Variants in SYT10 observed in about 807,000 individuals in gnomAD.
The protein encoded by SYT10 is synaptotagmin-10.
A neutral mutation model predicts 51.1 loss-of-function variants in SYT10; 31 were observed. The ratio of observed to expected loss-of-function variants is 0.61; its 90% CI spans 0.46 to 0.82. SYT10 has a LOEUF of 0.82. Among genes scored for constraint, SYT10 ranks in the 40% least tolerant of loss-of-function variants. SYT10 has a pLI of 0.00. For missense variants in SYT10, 603 were observed against 634.0 expected, an observed-to-expected ratio of 0.95 and a Z score of 0.53; for synonymous variants, 233 against 225.9, an observed-to-expected ratio of 1.03 and a Z score of -0.28.
chr12:33,399,585 T>A (rs1451172078), intron 3 of SYT10, among the ~76,000 whole-genome samples: 7 of 152,144 alleles, frequency 4.6e-5, no homozygotes, highest in African/African-American at 1.7e-4. Flanking sequence ...TGATCTAACC[T>A]GAAAATAACA....
intron 1 of SYT10, 103 bp from the exon 2 acceptor site, chr12:33,426,598 G>T: frequency 9.3e-7 from 1 of 1,079,132 alleles, no homozygotes; most frequent in Middle Eastern, 2.7e-4. Context: ...TCCTGATTCA[G>T]AATTTCAAAA....
At position 33,380,546 on chromosome 12, in the gene SYT10, G is replaced by T. The variant is rs541386411; in HGVS notation, c.1371-585C>A. Among the ~76,000 whole-genome samples the T allele has an allele frequency of 9.9e-5, 15 of 152,242 alleles. 1 individual carries two copies. The highest frequency in any genetic ancestry group is 3.4e-4 in the African/African-American group (14 of 41,544). ...CATTTGTATATTCTATTCAGGTCCT[G>T]CTTTCATAGCAATGAATCAAGATGA... is the stretch of plus-strand genomic sequence containing the variant. On this transcript the variant is annotated intron_variant, in intron 5 of 6. Transcript: ENST00000228567.
chr12:33,396,675 T>C (rs765605550), intron 3 of SYT10, among the ~76,000 whole-genome samples: 58 of 152,054 alleles, frequency 3.8e-4, no homozygotes, highest in Non-Finnish European at 5.1e-4. Context: ...TGCAATGAAA[T>C]GTGGAATTCC....
intron 1 of SYT10, among the ~76,000 whole-genome samples, chr12:33,428,105 A>G (rs1346688054): frequency 6.6e-6 from 1 of 152,232 alleles, no homozygotes; most frequent in Non-Finnish European, 1.5e-5. Flanking sequence ...ATGGGAAAGA[A>G]AAGATTCCAG....
intron 3 of SYT10, among the ~76,000 whole-genome samples, chr12:33,395,572 AT>A (rs1866249124): frequency 6.6e-6 from 1 of 152,190 alleles, no homozygotes; most frequent in African/African-American, 2.4e-5. Flanking sequence ...TAACCCAAAT[AT>A]GGATTTTTTG....
At chr12:33,423,457 G>A (rs946333152) in intron 2 of SYT10, among the ~76,000 whole-genome samples, 1 of 152,020 alleles carries the variant, frequency 6.6e-6, no homozygotes, top group African/African-American at 2.4e-5. Context: ...CTGTGTTCAT[G>A]TGGACTACCT....
chr12:33,435,077 G>T (rs545051620), intron 1 of SYT10, among the ~76,000 whole-genome samples: 1 of 152,254 alleles, frequency 6.6e-6, no homozygotes, highest in East Asian at 1.9e-4. Flanking sequence ...ATTTAAAAAA[G>T]CTTGTAAATG....
chr12:33,387,678 G>A (rs1396434539), intron 3 of SYT10, among the ~76,000 whole-genome samples: 1 of 151,834 alleles, frequency 6.6e-6, no homozygotes, highest in African/African-American at 2.4e-5. Context: ...CATAGAAGAG[G>A]GTTGAAGAAA....
rs754352718 is a variant in SYT10, at chr12:33,385,225, A to G, written c.1144T>C (p.Leu382=). ...AGATTTCTGCACTTAATGACTGTCAATGTCATACGCCCAGCCGTCGGTAGG... is the reference window on the plus strand; with the variant it reads ...AGATTTCTGCACTTAATGACTGTCAGTGTCATACGCCCAGCCGTCGGTAGG... ...CYLPTAGRMT[L]TVIKCRNLKA... Residue 382 remains leucine, a synonymous_variant, in exon 4 of 7, where the codon TTG becomes CTG. Coordinates refer to ENST00000228567, the MANE Select transcript of SYT10 (RefSeq NM_198992.4). The G allele has an allele frequency of 1.1e-5, 18 of 1,613,634 alleles. No individual in the cohort carries two copies. The South Asian group carries it at 2.0e-4, about 18-fold the overall frequency.
chr12:33,437,196 CAACTTAGTAGAAT>C (rs1866645125), intron 1 of SYT10, among the ~76,000 whole-genome samples: 1 of 152,202 alleles, frequency 6.6e-6, no homozygotes, highest in Non-Finnish European at 1.5e-5. Flanking sequence ...ATGTCATACA[CAACTTAGTAGAAT>C]ATCTTTCCTA....
intron 2 of SYT10, among the ~76,000 whole-genome samples, chr12:33,421,756 G>A (rs1591995576): frequency 6.6e-6 from 1 of 152,098 alleles, no homozygotes; most frequent in African/African-American, 2.4e-5. Context: ...TTGCTAGATT[G>A]TAATTACAGC....
intron 2 of SYT10, among the ~76,000 whole-genome samples, chr12:33,416,718 TG>T (rs1866456997): frequency 6.6e-6 from 1 of 152,170 alleles, no homozygotes; most frequent in South Asian, 2.1e-4. Flanking sequence ...ATTTCAGGCA[TG>T]CTTCCCTCTC....
intron 3 of SYT10, among the ~76,000 whole-genome samples, chr12:33,394,835 A>T (rs1240931758): frequency 1.3e-5 from 2 of 152,174 alleles, no homozygotes; most frequent in Non-Finnish European, 2.9e-5. Context: ...ACGCCTGTAA[A>T]CCCAGCACTT....
At chr12:33,413,140 G>A (rs906554943) in intron 2 of SYT10, among the ~76,000 whole-genome samples, 3 of 152,100 alleles carry the variant, frequency 2.0e-5, no homozygotes, top group African/African-American at 7.2e-5. Flanking sequence ...AGAAAAAAGA[G>A]TAAAAAGAAA....
intron 3 of SYT10, among the ~76,000 whole-genome samples, chr12:33,395,984 A>T (rs141745376): frequency 7.9e-4 from 121 of 152,326 alleles, no homozygotes; most frequent in African/African-American, 2.8e-3. Flanking sequence ...CTCTTCTACT[A>T]ATCAGCTTTG....
chr12:33,394,374 G>A (rs1202949012), intron 3 of SYT10, among the ~76,000 whole-genome samples: 1 of 152,072 alleles, frequency 6.6e-6, no homozygotes, highest in Non-Finnish European at 1.5e-5. Context: ...AAAGAGTTAA[G>A]GCATCAGTAT....
Position 33,426,257 on chromosome 12 carries a change from T to G in SYT10, c.390A>C (p.Ala130=). The G allele has an allele frequency of 1.2e-6, 2 of 1,614,204 alleles. No individual in the cohort carries two copies. Among genetic ancestry groups the G allele is most frequent in the Non-Finnish European group, 1.7e-6 (2 of 1,180,040 alleles). Residue 130 remains alanine (A), a synonymous_variant, in exon 2 of 7, where the codon GCA becomes GCC. Transcript: ENST00000228567. The stretch of plus-strand genomic sequence containing the variant: ...CAGGGGAAGTGTGGCTGATTTTTAT[T>G]GCAGGCTCAATAGCTTTTACGGCTG... ...EKPAVKAIEP[A]IKISHTSPDI...
chr12:33,434,828 A>G (rs1009395643), intron 1 of SYT10, among the ~76,000 whole-genome samples: 1 of 152,162 alleles, frequency 6.6e-6, no homozygotes, highest in Non-Finnish European at 1.5e-5. Flanking sequence ...TAAAAATAGT[A>G]AATAAATAAA....
intron 1 of SYT10, among the ~76,000 whole-genome samples, chr12:33,433,642 C>T (rs1174496879): frequency 1.3e-5 from 2 of 152,086 alleles, no homozygotes; most frequent in African/African-American, 4.8e-5. Flanking sequence ...CACTGAAGTA[C>T]ACATGTGTGC....
Sources: gnomAD v4.1 joint callset for allele counts (sites outside exome capture counted in the v4.1 genomes callset) on GRCh38, gnomAD v4.1.1 for gene constraint, MANE v1.5 for transcripts, NCBI Gene and HGNC (gene_info 2026-07-23, HGNC 2026-07-21) for gene names.